The following TLE3 variants were observed in gnomAD, a reference collection of about 807,000 sequenced individuals.
The protein encoded by TLE3 is TLE family member 3, transcriptional corepressor, also known as transducin-like enhancer protein 3.
A neutral mutation model predicts 93.0 loss-of-function variants in TLE3; 14 were observed. That is an observed-to-expected ratio of 0.15 (90% CI 0.10 to 0.24). The LOEUF is 0.24. TLE3 is among the 10% of genes least tolerant of loss of function. TLE3 has a pLI of 1.00. For synonymous variants in TLE3, 451 were observed against 425.0 expected (o/e 1.06, Z -0.75); for missense variants, 693 against 1,046.6 (o/e 0.66, Z 4.66).
chr15:70,081,599 G>A (rs982218199), intron 4 of TLE3, among the ~76,000 whole-genome samples: 1 of 152,254 alleles, frequency 6.6e-6, no homozygotes, highest in Non-Finnish European at 1.5e-5. Flanking sequence ...AACCAGGCCA[G>A]GGTTCTCCAA....
At chr15:70,067,589 C>T (rs1567014875) in intron 6 of TLE3, among the ~76,000 whole-genome samples, 4 of 152,210 alleles carry the variant, frequency 2.6e-5, no homozygotes. Context: ...GATCTCACAC[C>T]TTACTAAGGG....
rs1399818805 is a variant in TLE3 at position 70,058,109 on chromosome 15, C to G, written c.1051+50G>C. ...ACCCCTGCCCTGGCCAAGAGCAGAC[C>G]CCCTCCCCCCAATCAGATTAACCCA... On this transcript the variant is annotated intron_variant, in intron 12 of 19. Transcript: ENST00000451782. The surrounding 1 kb of genome is among the most constrained non-coding windows in gnomAD (Gnocchi z 4.1). 11 of 1,612,776 alleles carry G rather than the reference C, an allele frequency of 6.8e-6. No homozygotes were observed. The highest frequency in any genetic ancestry group is 8.5e-6 in the Non-Finnish European group (10 of 1,179,436).
chr15:70,060,845 C>T (rs1349618031), intron 8 of TLE3, 196 bp from the exon 9 acceptor site: 20 of 788,844 alleles, frequency 2.5e-5, no homozygotes, highest in African/African-American at 6.8e-5. Flanking sequence ...ACTGAGTCCC[C>T]GGGGAGATGC....
chr15:70,081,844 T>G (rs959559564), intron 4 of TLE3, among the ~76,000 whole-genome samples: 1 of 152,184 alleles, frequency 6.6e-6, no homozygotes, highest in Non-Finnish European at 1.5e-5. Context: ...TGCAAAGCCA[T>G]GGGGAAGTGA....
At position 70,048,958 on chromosome 15, in the gene TLE3, G is replaced by T. The variant is rs562295466; in HGVS notation, c.*1139C>A. The T allele has an allele frequency of 1.3e-5, 2 of 151,616 alleles. No individual in the cohort carries two copies. Among genetic ancestry groups the T allele is most frequent in the East Asian group, 3.9e-4 (2 of 5,156 alleles). The allele number at this position is 151,616 out of a possible 1,614,324, so 9.4% of individuals were successfully genotyped here. On this transcript the variant is annotated 3_prime_UTR_variant, in exon 20 of 20. Coordinates refer to ENST00000451782, the MANE Select transcript of TLE3 (RefSeq NM_001105192.3). ...GACTGTAGGCGGGAAGGGGGAGAAG[G>T]CATTTTATAAAAGGACATCACTTCT...
At position 70,054,475 on chromosome 15, in the gene TLE3, T is replaced by C. The variant is rs758966993; in HGVS notation, c.1789A>G (p.Ile597Val). Reference sequence around the variant, plus strand: ...TGGTTGTGCAGGTCCCAGACAGCAATGTTCCCATCGCTGCAGCAGGAGAAG... The same window carrying C: ...TGGTTGTGCAGGTCCCAGACAGCAACGTTCCCATCGCTGCAGCAGGAGAAG... ...VCFSCCSDGN[I>V]AVWDLHNQTL... is the part of the protein sequence containing the mutation. The change falls in exon 16 of 20, where the codon ATT (isoleucine) becomes GTT (valine). Residue 597 changes from isoleucine (I) to valine (V), a missense_variant. Physicochemically the swap from Ile to Val is conservative, Grantham distance 29. Around this residue, in one of 4 missense-constraint regions of TLE3, gnomAD observed 153 missense variants for 379.9 expected, o/e 0.40. Transcript: ENST00000451782. 20 of 1,613,814 alleles carry C rather than the reference T, an allele frequency of 1.2e-5. No homozygotes were observed. In the East Asian group the frequency reaches 2.0e-4, roughly 16 times the overall value.
At chr15:70,065,713 G>A (rs1297428841) in intron 7 of TLE3, among the ~76,000 whole-genome samples, 1 of 152,246 alleles carries the variant, frequency 6.6e-6, no homozygotes, top group African/African-American at 2.4e-5. Flanking sequence ...CTGAAGGGTT[G>A]GACTGGGGCT....
chr15:70,075,961 GT>G, intron 5 of TLE3, 134 bp downstream of exon 5: 1 of 770,638 alleles, frequency 1.3e-6, no homozygotes. Context: ...AAATCTCCAG[GT>G]TGTCAGCTCA....
intron 6 of TLE3, among the ~76,000 whole-genome samples, chr15:70,068,931 T>C (rs1389595242): frequency 6.6e-6 from 1 of 152,220 alleles, no homozygotes; most frequent in Non-Finnish European, 1.5e-5. Flanking sequence ...TCCAGCTCTA[T>C]CCTTTATCAG....
rs144016171 is a variant in TLE3, at chr15:70,063,028, G to A, written c.594+1426C>T. 1.1e-3 allele frequency among the ~76,000 whole-genome samples: 162 copies of A among 152,350 alleles called. 2 individuals are homozygous for A. The highest frequency in any genetic ancestry group is 0.01 in the Middle Eastern group (3 of 294). ...GAGGTAAAGACTCATGCTCTTTAGA[G>A]AGTGCTGGGCTTCCCACTCCCCCTC... On this transcript the variant is annotated intron_variant, in intron 8 of 19. Transcript: ENST00000451782.
intron 4 of TLE3, among the ~76,000 whole-genome samples, chr15:70,084,102 T>G (rs631864): frequency 6.6e-6 from 1 of 152,048 alleles, no homozygotes; most frequent in Admixed American, 6.5e-5. Context: ...CACCATTTGA[T>G]CTCTCATTTT....
At chr15:70,053,535 C>T (rs1175433832) in intron 16 of TLE3, 161 bp from the exon 17 acceptor site, 2 of 774,154 alleles carry the variant, frequency 2.6e-6, no homozygotes, top group Non-Finnish European at 3.8e-6. Context: ...TAGCCCCGGC[C>T]TCTTTCCAGT....
At position 70,054,635 on chromosome 15, in the gene TLE3, C is replaced by A; in HGVS notation, c.1629G>T (p.Thr543=). ...TGCTGGCCTCGCCGCCCACGATGAG[C>A]GTGCGCCCATCAGGGAGCAGCTTGC... ...RSCKLLPDGR[T]LIVGGEASTL... is the part of the protein sequence containing the mutation. Residue 543 remains threonine, a synonymous_variant, in exon 16 of 20, where the codon ACG becomes ACT. Transcript: ENST00000451782. 1 of 1,609,330 alleles carries A rather than the reference C, an allele frequency of 6.2e-7. No individual in the cohort carries two copies. The highest frequency in any genetic ancestry group is 8.5e-7 in the Non-Finnish European group (1 of 1,176,922).
At chr15:70,067,560 T>C (rs1281739199) in intron 6 of TLE3, among the ~76,000 whole-genome samples, 1 of 152,168 alleles carries the variant, frequency 6.6e-6, no homozygotes, top group Non-Finnish European at 1.5e-5. Context: ...CCATAGAGAA[T>C]AGATCTGAGA....
intron 19 of TLE3, chr15:70,051,134 G>A (rs2055495796): frequency 5.7e-6 from 2 of 350,056 alleles, no homozygotes; most frequent in Non-Finnish European, 1.1e-5. Flanking sequence ...TCCGACAAGC[G>A]CCCCGGCTTA....
At position 70,058,116 on chromosome 15, in the gene TLE3, C is replaced by A; in HGVS notation, c.1051+43G>T. 6.2e-7 allele frequency: 1 copy of A among 1,613,518 alleles called. No homozygotes were observed. Among genetic ancestry groups the A allele is most frequent in the Middle Eastern group, 1.7e-4 (1 of 6,052 alleles). On this transcript the variant is annotated intron_variant, in intron 12 of 19. Transcript: ENST00000451782. This position sits in a 1 kb window ranked among gnomAD's most constrained non-coding sequence, Gnocchi z 4.1. ...CCCTGGCCAAGAGCAGACCCCCTCC[C>A]CCCAATCAGATTAACCCAGCCCATG...
Position 70,050,067 on chromosome 15 carries a change from A to C in TLE3, c.*30T>G. The C allele has an allele frequency of 2.5e-6, 4 of 1,590,810 alleles. No individual in the cohort carries two copies. The highest frequency in any genetic ancestry group is 3.5e-6 in the Non-Finnish European group (4 of 1,159,142). Reference sequence around the variant, plus strand: ...TGTCAGAGCCGAGTCGGTTTCTCCCAGAGTTTGACAGCCCTGCTGGAGTTC... The same window carrying C: ...TGTCAGAGCCGAGTCGGTTTCTCCCCGAGTTTGACAGCCCTGCTGGAGTTC... On this transcript the variant is annotated 3_prime_UTR_variant, in exon 20 of 20. Transcript: ENST00000451782.
At chr15:70,075,725 G>C (rs2057408835) in intron 5 of TLE3, among the ~76,000 whole-genome samples, 1 of 152,226 alleles carries the variant, frequency 6.6e-6, no homozygotes, top group African/African-American at 2.4e-5. Flanking sequence ...CCTGGGTCAT[G>C]CTCCCAGCAA....
intron 4 of TLE3, among the ~76,000 whole-genome samples, chr15:70,093,338 C>T (rs1169974390): frequency 6.6e-6 from 1 of 152,232 alleles, no homozygotes; most frequent in Non-Finnish European, 1.5e-5. Flanking sequence ...ATCCCAAAGG[C>T]TCTATAGGAA....
Sources: allele counts gnomAD v4.1 joint callset (sites outside exome capture counted in the v4.1 genomes callset), GRCh38; gene constraint gnomAD v4.1.1; regional missense constraint gnomAD v4.1.1; non-coding constraint Gnocchi (gnomAD v3.1); transcripts MANE v1.5; gene names NCBI Gene and HGNC (gene_info 2026-07-23, HGNC 2026-07-21).